The following NECTIN3 variants were observed in gnomAD, a reference collection of about 807,000 sequenced individuals.
The protein encoded by NECTIN3 is nectin-3.
A neutral mutation model predicts 49.4 loss-of-function variants in NECTIN3; 8 were observed. That is an observed-to-expected ratio of 0.16 (90% CI 0.10 to 0.29). The LOEUF (loss-of-function observed/expected upper bound fraction) is 0.29. Ranked by LOEUF, NECTIN3 falls within the 10% of genes least tolerant of loss-of-function variation. NECTIN3 has a pLI of 1.00. For missense variants in NECTIN3, 581 were observed against 654.6 expected, an observed-to-expected ratio of 0.89 and a Z score of 1.23; for synonymous variants, 277 against 241.1, an observed-to-expected ratio of 1.15 and a Z score of -1.38.
Position 111,122,101 on chromosome 3 carries a change from G to T in NECTIN3, c.800-20G>T. ...TCATTAACAAAAGGTAATCTGTCCT[G>T]TCATGCATTTATTTTATAGATGCTC... On this transcript the variant is annotated intron_variant, in intron 3 of 5. Transcript: ENST00000485303. 6.9e-7 allele frequency: 1 copy of T among 1,453,324 alleles called. No individual in the cohort carries two copies. The allele number at this position is 1,453,324 out of a possible 1,614,324, so 90.0% of individuals were successfully genotyped here.
intron 7 of NECTIN3, among the ~76,000 whole-genome samples, chr3:111,160,863 C>T (rs1341607063): frequency 6.6e-6 from 1 of 151,944 alleles, no homozygotes; most frequent in Non-Finnish European, 1.5e-5. Flanking sequence ...AAAACTTAGC[C>T]GGGTGTGTTG....
At chr3:111,145,439 T>C (rs1192339134) in intron 6 of NECTIN3, among the ~76,000 whole-genome samples, 1 of 152,236 alleles carries the variant, frequency 6.6e-6, no homozygotes, top group East Asian at 1.9e-4. Context: ...TAGATATAAC[T>C]GAACTATCAA....
At chr3:111,105,175 C>T (rs554159254) in intron 1 of NECTIN3, among the ~76,000 whole-genome samples, 5 of 140,046 alleles carry the variant, frequency 3.6e-5, no homozygotes, top group African/African-American at 1.3e-4. Context: ...CAGGGTCTTG[C>T]TCTGTCACCC....
intron 1 of NECTIN3, among the ~76,000 whole-genome samples, chr3:111,108,867 C>T (rs1162218647): frequency 6.6e-6 from 1 of 152,166 alleles, no homozygotes; most frequent in African/African-American, 2.4e-5. Context: ...ACCCAAATAC[C>T]TCTCATTAGG....
At chr3:111,083,091 T>G (rs2031721886) in intron 1 of NECTIN3, among the ~76,000 whole-genome samples, 1 of 152,146 alleles carries the variant, frequency 6.6e-6, no homozygotes, top group African/African-American at 2.4e-5. Context: ...GAAGCTTCAC[T>G]TGCTTGCCCA....
chr3:111,132,371 AT>A (rs1399804252), intron 5 of NECTIN3, among the ~76,000 whole-genome samples: 1 of 151,772 alleles, frequency 6.6e-6, no homozygotes, highest in East Asian at 1.9e-4. Flanking sequence ...TTCAGTAAGT[AT>A]TTTTCTTTAG....
intron 1 of NECTIN3, chr3:111,193,130 C>A: frequency 7.5e-7 from 1 of 1,339,336 alleles, no homozygotes; most frequent in Admixed American, 2.1e-5. Flanking sequence ...TCTATTCTTG[C>A]CTGTTTTTAC....
At chr3:111,123,616 G>A (rs1349888408) in intron 4 of NECTIN3, among the ~76,000 whole-genome samples, 1 of 152,140 alleles carries the variant, frequency 6.6e-6, no homozygotes, top group Non-Finnish European at 1.5e-5. Flanking sequence ...TTTGTACAGA[G>A]TTGGGAGGAA....
In NECTIN3 at chr3:111,072,699, C is replaced by T. The variant is rs747085102; in HGVS notation, c.160+522C>T. ...CGCAGAATCCCCTACAGCTAGTTTT[C>T]TTCTGTCTTGTGCCCACTCCCCCGG... is the stretch of plus-strand genomic sequence containing the variant. On this transcript the variant is annotated intron_variant, in intron 1 of 5. Coordinates refer to ENST00000485303, the MANE Select transcript of NECTIN3 (RefSeq NM_015480.3). 153 of 1,001,610 alleles carry T rather than the reference C, an allele frequency of 1.5e-4. No homozygotes were observed. The African/African-American group carries it at 2.1e-3, about 14-fold the overall frequency. 62.0% of individuals were successfully genotyped at this position (1,001,610 alleles called of 1,614,324 possible). A position where few individuals can be genotyped will look rare whatever the true frequency, so the allele number is the denominator to read the frequency against.
intron 1 of NECTIN3, chr3:111,074,184 CTT>C: frequency 2.2e-6 from 1 of 453,388 alleles, no homozygotes; most frequent in Non-Finnish European, 4.4e-6. Flanking sequence ...GGAATTAAGT[CTT>C]TGAATAGGGC....
chr3:111,112,428 AT>A lies in NECTIN3; in HGVS notation c.502+62del, dbSNP rs1056729293. 6 of 1,053,442 alleles carry A rather than the reference AT, an allele frequency of 5.7e-6. No individual in the cohort carries two copies. In the African/African-American group the frequency reaches 6.6e-5, roughly 12 times the overall value. 65.3% of individuals were successfully genotyped at this position (1,053,442 alleles called of 1,614,324 possible). A position where few individuals can be genotyped will look rare whatever the true frequency, so the allele number is the denominator to read the frequency against. ...TAGTGGTGAAGATTATAATAAAAAT[AT>A]TTTTAAGAAATTAAAATGGTTGAAA... On this transcript the variant is annotated intron_variant, in intron 2 of 5. Transcript: ENST00000485303.
intron 1 of NECTIN3, 194 bp downstream of exon 1, chr3:111,072,371 A>C: frequency 1.3e-6 from 2 of 1,484,466 alleles, no homozygotes; most frequent in Non-Finnish European, 8.9e-7. Context: ...GCGAATGCTG[A>C]GCCGGCGGCC....
intron 1 of NECTIN3, among the ~76,000 whole-genome samples, chr3:111,096,984 C>G (rs1364012653): frequency 6.6e-6 from 1 of 152,186 alleles, no homozygotes; most frequent in Non-Finnish European, 1.5e-5. Context: ...AAGAGGGCCA[C>G]TGTCCTCCAG....
At chr3:111,139,658 T>G (rs2107503234), downstream of NECTIN3, among the ~76,000 whole-genome samples, 1 of 151,896 alleles carries the variant, frequency 6.6e-6, no homozygotes, top group East Asian at 1.9e-4. Flanking sequence ...GATGTCTGAA[T>G]AATTGTCATG....
intron 7 of NECTIN3, among the ~76,000 whole-genome samples, chr3:111,149,662 T>C (rs150205000): frequency 7.9e-5 from 12 of 152,180 alleles, no homozygotes; most frequent in Non-Finnish European, 1.6e-4. Flanking sequence ...ATGAATCTTA[T>C]ATGCAGCCTC....
chr3:111,156,130 A>G (rs1304564853), intron 7 of NECTIN3, among the ~76,000 whole-genome samples: 1 of 152,212 alleles, frequency 6.6e-6, no homozygotes, highest in African/African-American at 2.4e-5. Flanking sequence ...CACTGAAAAC[A>G]TGACTTTCTT....
chr3:111,113,260 C>G (rs2033548978), intron 2 of NECTIN3, among the ~76,000 whole-genome samples: 4 of 152,156 alleles, frequency 2.6e-5, no homozygotes. Context: ...CCAAAGTGGA[C>G]TCCTTTAATG....
intron 5 of NECTIN3, among the ~76,000 whole-genome samples, chr3:111,132,725 A>G (rs2034437427): frequency 6.6e-6 from 1 of 151,958 alleles, no homozygotes; most frequent in Non-Finnish European, 1.5e-5. Flanking sequence ...AAGTATTATT[A>G]GAATGTTCTC....
At chr3:111,142,613 G>A (rs1198672404) in intron 5 of NECTIN3, among the ~76,000 whole-genome samples, 1 of 151,738 alleles carries the variant, frequency 6.6e-6, no homozygotes, top group Non-Finnish European at 1.5e-5. Context: ...TGGAAATTAA[G>A]AGATTAAAAG....
Sources: allele counts gnomAD v4.1 joint callset (sites outside exome capture counted in the v4.1 genomes callset), GRCh38; gene constraint gnomAD v4.1.1; transcripts MANE v1.5; gene names NCBI Gene and HGNC (gene_info 2026-07-23, HGNC 2026-07-21).